The following ZSWIM9 variants were observed in gnomAD, a reference collection of about 807,000 sequenced individuals.
ZSWIM9 encodes the protein uncharacterized protein ZSWIM9.
A neutral mutation model predicts 25.0 loss-of-function variants in ZSWIM9; 11 were observed. The ratio of observed to expected loss-of-function variants is 0.44; its 90% confidence interval spans 0.28 to 0.73. ZSWIM9 has a LOEUF of 0.73. Ranked by LOEUF, ZSWIM9 falls within the 30% of genes least tolerant of loss-of-function variation. The pLI is 0.16. For missense variants in ZSWIM9, 1,070 were observed against 1,296.5 expected (o/e 0.83, Z 2.68); for synonymous variants, 562 against 582.1 (o/e 0.97, Z 0.50).
chr19:48,183,106 T>TTAAC (rs992006165), intron 3 of ZSWIM9: 2 of 186,358 alleles, frequency 1.1e-5, no homozygotes, highest in Non-Finnish European at 1.1e-5. Flanking sequence ...AATTAATTAA[T>TTAAC]TAATTAATTA....
rs2036959767 is a variant in ZSWIM9 at position 48,182,513 on chromosome 19, C to T, written c.334C>T (p.Arg112Cys). 2.6e-6 allele frequency: 4 copies of T among 1,535,700 alleles called. No individual in the cohort carries two copies. The highest frequency in any genetic ancestry group is 1.4e-5 in the African/African-American group (1 of 73,024). ...IIVKLSPLRD[R>C]LVVTECQLTH... ...CGTCAAGCTGAGCCCGCTGCGGGAC[C>T]GCCTCGTGGTGACGGAGTGCCAGCT... Residue 112 changes from arginine (R) to cysteine (C), a missense_variant, in exon 3 of 4, where the codon CGC becomes TGC. Coordinates refer to ENST00000614654, the MANE Select transcript of ZSWIM9 (RefSeq NM_199341.4). This position sits in a 1 kb window ranked among gnomAD's most constrained non-coding sequence, Gnocchi z 4.6.
intron 3 of ZSWIM9, among the ~76,000 whole-genome samples, chr19:48,183,828 T>TGGG (rs201476221): frequency 7.0e-6 from 1 of 143,376 alleles, no homozygotes; most frequent in African/African-American, 2.6e-5. Context: ...TAGAGATGTT[T>TGGG]GGCGGGGGGG....
At position 48,197,555 on chromosome 19, in the gene ZSWIM9, C is replaced by T; in HGVS notation, c.*728C>T. 1 of 465,028 alleles carries T rather than the reference C, an allele frequency of 2.2e-6. No homozygotes were observed. Among genetic ancestry groups the T allele is most frequent in the South Asian group, 3.2e-5 (1 of 31,502 alleles). The allele number at this position is 465,028 out of a possible 1,614,324, so 28.8% of individuals were successfully genotyped here. A position where few individuals can be genotyped will look rare whatever the true frequency, so the allele number is the denominator to read the frequency against. On this transcript the variant is annotated 3_prime_UTR_variant, in exon 4 of 4. Coordinates refer to ENST00000614654, the MANE Select transcript of ZSWIM9 (RefSeq NM_199341.4). ...GGGCACTGGGGGTCAGGAGAGTCTC[C>T]AGCAGGGGAGGGGAATTGTTTGGAC...
At chr19:48,187,496 ATATAT>A (rs375158837) in intron 3 of ZSWIM9, among the ~76,000 whole-genome samples, 34,053 of 53,338 alleles carry the variant, frequency 0.64, 8,978 homozygotes, top group South Asian at 0.66. Flanking sequence ...TTATATTATA[ATATAT>A]TATATTATAT....
At position 48,197,214 on chromosome 19, in the gene ZSWIM9, G is replaced by A. The variant is rs557217545; in HGVS notation, c.*387G>A. The stretch of plus-strand genomic sequence containing the variant: ...AAGAGTAGACTGGCCAGTCTAGGGA[G>A]TGCAGCGGGGAGAGGGGAAAGGGAG... On this transcript the variant is annotated 3_prime_UTR_variant, in exon 4 of 4. Coordinates refer to ENST00000614654, the MANE Select transcript of ZSWIM9 (RefSeq NM_199341.4). The A allele has an allele frequency of 1.9e-5, 13 of 702,280 alleles. No homozygotes were observed. In the East Asian group the frequency reaches 3.0e-4, roughly 16 times the overall value. The allele number at this position is 702,280 out of a possible 1,614,324, so 43.5% of individuals were successfully genotyped here. A position where few individuals can be genotyped will look rare whatever the true frequency, so the allele number is the denominator to read the frequency against.
At position 48,196,152 on chromosome 19, in the gene ZSWIM9, T is replaced by G. The variant is rs868332141; in HGVS notation, c.2088T>G (p.Ile696Met). The change falls in exon 4 of 4, where the codon ATT (isoleucine) becomes ATG (methionine). Residue 696 changes from isoleucine (I) to methionine (M), a missense_variant. Physicochemically the swap from Ile to Met is conservative, Grantham distance 10. Transcript: ENST00000614654. ...ATGAGAGGAGGAGAGGGCCAGAGAT[T>G]GCAGAGGAGAGGGGAGCGAGGGTGG... is the stretch of plus-strand genomic sequence containing the variant. Reference protein sequence around the residue: ...WEDERRRGPEIAEERGARVGV... With the variant: ...WEDERRRGPEMAEERGARVGV... 2 of 1,234,570 alleles carry G rather than the reference T, an allele frequency of 1.6e-6. No homozygotes were observed. The highest frequency in any genetic ancestry group is 1.6e-5 in the African/African-American group (1 of 63,298). The allele number at this position is 1,234,570 out of a possible 1,614,324, so 76.5% of individuals were successfully genotyped here. A position where few individuals can be genotyped will look rare whatever the true frequency, so the allele number is the denominator to read the frequency against.
chr19:48,187,273 A>G (rs2037023184), intron 3 of ZSWIM9, among the ~76,000 whole-genome samples: 1 of 146,200 alleles, frequency 6.8e-6, no homozygotes, highest in African/African-American at 2.5e-5. Context: ...GAGGTGTTCA[A>G]TCCATCACTT....
In ZSWIM9 at chr19:48,182,472, G is replaced by T; in HGVS notation, c.293G>T (p.Cys98Phe). Residue 98 changes from cysteine (C) to phenylalanine (F), a missense_variant, in exon 3 of 4, where the codon TGC (cysteine) becomes TTC (phenylalanine). This residue lies in a region of ZSWIM9 where 265 missense variants were observed against 339.0 expected (regional missense o/e 0.78). Coordinates refer to ENST00000614654, the MANE Select transcript of ZSWIM9 (RefSeq NM_199341.4). This position sits in a 1 kb window ranked among gnomAD's most constrained non-coding sequence, Gnocchi z 4.6. The stretch of plus-strand genomic sequence containing the variant: ...TCCCACAGGCCTCCCCAGCCCGGCT[G>T]CCCCGCCTTCATCATCGTCAAGCTG... The part of the protein sequence containing the change: ...RPAVGPPQPG[C>F]PAFIIVKLSP... The T allele has an allele frequency of 1.3e-6, 2 of 1,534,606 alleles. No homozygotes were observed. Among genetic ancestry groups the T allele is most frequent in the Non-Finnish European group, 1.7e-6 (2 of 1,145,978 alleles).
chr19:48,177,748 A>G (rs1172506460), intron 2 of ZSWIM9, among the ~76,000 whole-genome samples: 3 of 152,204 alleles, frequency 2.0e-5, no homozygotes, highest in East Asian at 3.8e-4. Flanking sequence ...AGAAAAATGT[A>G]CGGGGTGGCA....
At chr19:48,190,611 G>C (rs1260259585) in intron 3 of ZSWIM9, 2 of 154,872 alleles carry the variant, frequency 1.3e-5, no homozygotes. Context: ...CTGCAAGGGG[G>C]CAGGGAGGTG....
intron 2 of ZSWIM9, among the ~76,000 whole-genome samples, chr19:48,179,493 G>A (rs907199367): frequency 6.6e-6 from 1 of 152,166 alleles, no homozygotes; most frequent in African/African-American, 2.4e-5. Flanking sequence ...TTTCTACAGT[G>A]TTGGTTGCAA....
chr19:48,175,913 A>G (rs887323936), intron 2 of ZSWIM9, among the ~76,000 whole-genome samples: 1 of 152,246 alleles, frequency 6.6e-6, no homozygotes, highest in Admixed American at 6.5e-5. Flanking sequence ...AACGATCAAG[A>G]ATAAATGGGT....
chr19:48,183,366 A>G (rs2036975728), intron 3 of ZSWIM9, among the ~76,000 whole-genome samples: 1 of 152,020 alleles, frequency 6.6e-6, no homozygotes, highest in African/African-American at 2.4e-5. Context: ...TGACCTTGTG[A>G]TCCGCCCGCC....
intron 3 of ZSWIM9, chr19:48,187,574 T>TTATATATTATATTATATA: frequency 1.7e-5 from 1 of 59,948 alleles, no homozygotes; most frequent in Non-Finnish European, 3.2e-5. Context: ...TAATATTATA[T>TTATATATTATATTATATA]ATATTATATA....
Position 48,196,373 on chromosome 19 carries a change from C to T in ZSWIM9, c.2309C>T (p.Pro770Leu), listed in dbSNP as rs961655442. 8.1e-7 allele frequency: 1 copy of T among 1,232,464 alleles called. No homozygotes were observed. Among genetic ancestry groups the T allele is most frequent in the Middle Eastern group, 3.1e-4 (1 of 3,210 alleles). The allele number at this position is 1,232,464 out of a possible 1,614,324, so 76.3% of individuals were successfully genotyped here. A position where few individuals can be genotyped will look rare whatever the true frequency, so the allele number is the denominator to read the frequency against. ...GLGNGVVSGT[P>L]VGTVLEGSPE... ...GGGAATGGAGTCGTGTCTGGCACCC[C>T]GGTGGGGACTGTATTGGAAGGCAGC... The change falls in exon 4 of 4, where the codon CCG becomes CTG. Residue 770 changes from proline to leucine, a missense_variant. Coordinates refer to ENST00000614654, the MANE Select transcript of ZSWIM9 (RefSeq NM_199341.4).
chr19:48,177,863 T>C (rs372800299), intron 2 of ZSWIM9, among the ~76,000 whole-genome samples: 1 of 152,246 alleles, frequency 6.6e-6, no homozygotes, highest in Admixed American at 6.5e-5. Context: ...TTTATTCATA[T>C]TTATTTGTAC....
chr19:48,192,470 A>T (rs1469303653), intron 3 of ZSWIM9, among the ~76,000 whole-genome samples: 4,625 of 24,490 alleles, frequency 0.19, 635 homozygotes, highest in Non-Finnish European at 0.26. Flanking sequence ...AAAAAAAAAA[A>T]AAAAAAAAAA....
chr19:48,174,851 A>G (rs571569118), intron 2 of ZSWIM9: 4 of 152,356 alleles, frequency 2.6e-5, no homozygotes, highest in Admixed American at 2.6e-4. Flanking sequence ...CTTATTGAGC[A>G]CCTACTATGT....
chr19:48,194,558 A>C lies in ZSWIM9; in HGVS notation c.589-95A>C. On this transcript the variant is annotated intron_variant, in intron 3 of 3. Coordinates refer to ENST00000614654, the MANE Select transcript of ZSWIM9 (RefSeq NM_199341.4). The surrounding 1 kb of genome is among the most constrained non-coding windows in gnomAD (Gnocchi z 6.0). ...CAGGCAAGAATGAATGGGTGGTCCC[A>C]TTTCCGTAGAAGGGGAAACCGAGGT... 7.9e-7 allele frequency: 1 copy of C among 1,273,078 alleles called. No individual in the cohort carries two copies. Among genetic ancestry groups the C allele is most frequent in the South Asian group, 1.9e-5 (1 of 53,966 alleles). The allele number at this position is 1,273,078 out of a possible 1,614,324, so 78.9% of individuals were successfully genotyped here. A position where few individuals can be genotyped will look rare whatever the true frequency, so the allele number is the denominator to read the frequency against.
Sources: gnomAD v4.1 joint callset for allele counts (sites outside exome capture counted in the v4.1 genomes callset) on GRCh38, gnomAD v4.1.1 for gene constraint, gnomAD v4.1.1 regional missense constraint, Gnocchi (gnomAD v3.1) non-coding constraint, MANE v1.5 for transcripts, NCBI Gene and HGNC (gene_info 2026-07-23, HGNC 2026-07-21) for gene names.